Variants in RREB1 observed in about 807,000 individuals in gnomAD.
RREB1 encodes the protein ras responsive element binding protein 1, also known as ras-responsive element-binding protein 1.
A neutral mutation model predicts 117.8 loss-of-function variants in RREB1; 27 were observed. The ratio of observed to expected loss-of-function variants is 0.23; its 90% CI spans 0.17 to 0.32. The LOEUF (loss-of-function observed/expected upper bound fraction) is 0.32, where lower values mean the gene tolerates loss of function less well. Among genes scored for constraint, RREB1 ranks in the 10% least tolerant of loss-of-function variants. The pLI is 1.00. For missense variants in RREB1, 2,577 were observed against 2,378.2 expected (o/e 1.08, Z -1.74); for synonymous variants, 1,298 against 1,026.7 (o/e 1.26, Z -5.05).
Position 7,231,026 on chromosome 6 carries a change from GC to G in RREB1, c.2930del (p.Pro977LeufsTer5). 1 of 1,614,062 alleles carries G rather than the reference GC, an allele frequency of 6.2e-7. No individual in the cohort carries two copies. The highest frequency in any genetic ancestry group is 1.1e-5 in the South Asian group (1 of 91,088). Reference sequence around the variant, plus strand: ...CAGCCCTCTCCCTGCCCAGCACCCGGCCCTTCTCTTCCTGTAACTTTGGGGC... The same window carrying G: ...CAGCCCTCTCCCTGCCCAGCACCCGGCCTTCTCTTCCTGTAACTTTGGGGC... The part of the protein sequence containing the change: ...SEQPSPCPAP[G>X]PSLPVTLGPS... On this transcript the variant is annotated frameshift_variant, in exon 10 of 13. Transcript: ENST00000379938. LOFTEE classifies it high-confidence loss of function.
intron 1 of RREB1, among the ~76,000 whole-genome samples, chr6:7,139,997 G>A (rs1762494301): frequency 6.6e-6 from 1 of 152,222 alleles, no homozygotes; most frequent in African/African-American, 2.4e-5. Flanking sequence ...CTTGCAGTGT[G>A]CTGAATGGTT....
rs757310867 is a variant in RREB1, at chr6:7,231,432, C to A, written c.3333C>A (p.Ala1111=). The change falls in exon 10 of 13, where the codon GCC becomes GCA. Residue 1111 remains alanine, a synonymous_variant. Coordinates refer to ENST00000379938, the MANE Select transcript of RREB1 (RefSeq NM_001003699.4). ...SDSLGGSVPK[A]ATTATPAATT... ...GCTTAGGAGGTTCTGTCCCCAAAGC[C>A]GCCACCACCGCCACCCCCGCTGCCA... 2.5e-6 allele frequency: 4 copies of A among 1,612,620 alleles called. No individual in the cohort carries two copies. The highest frequency in any genetic ancestry group is 3.4e-6 in the Non-Finnish European group (4 of 1,179,646).
chr6:7,196,128 C>T (rs1483652334), intron 6 of RREB1, among the ~76,000 whole-genome samples: 3 of 151,936 alleles, frequency 2.0e-5, no homozygotes, highest in African/African-American at 7.2e-5. Context: ...TGTGCACACT[C>T]TTCCAGATGA....
At chr6:7,224,058 A>T (rs906859129) in intron 8 of RREB1, among the ~76,000 whole-genome samples, 2 of 152,174 alleles carry the variant, frequency 1.3e-5, no homozygotes, top group Admixed American at 1.3e-4. Context: ...GTTGCTGTCA[A>T]ATTTAGGCTA....
intron 1 of RREB1, among the ~76,000 whole-genome samples, chr6:7,164,500 A>G (rs1192501852): frequency 6.6e-6 from 1 of 152,254 alleles, no homozygotes; most frequent in East Asian, 1.9e-4. Context: ...TGGGATGCCA[A>G]GAAAATGGAA....
rs144788619 is a variant in RREB1, at chr6:7,230,370, G to C, written c.2271G>C (p.Leu757=). 6.8e-5 allele frequency: 108 copies of C among 1,592,352 alleles called. No individual in the cohort carries two copies. In the African/African-American group the frequency reaches 1.3e-3, roughly 20 times the overall value. Residue 757 remains leucine, a synonymous_variant, in exon 10 of 13, where the codon CTG becomes CTC. Transcript: ENST00000379938. ...GCGCCCCGGACACCGTGTGCCGGCTGTGCGGCGAGGACCTCAAGCACTATC... is the reference window on the plus strand; with the variant it reads ...GCGCCCCGGACACCGTGTGCCGGCTCTGCGGCGAGGACCTCAAGCACTATC... The part of the protein sequence containing the change: ...AFCAPDTVCR[L]CGEDLKHYRA...
intron 1 of RREB1, among the ~76,000 whole-genome samples, chr6:7,159,411 G>A (rs1041950987): frequency 6.6e-6 from 1 of 152,144 alleles, no homozygotes; most frequent in African/African-American, 2.4e-5. Context: ...CTGGAATAAC[G>A]GGACAGCCGC....
intron 1 of RREB1, among the ~76,000 whole-genome samples, chr6:7,141,290 C>G (rs1035480854): frequency 1.3e-5 from 2 of 152,210 alleles, no homozygotes. Flanking sequence ...TGAGTAGAGC[C>G]GCGTCTTCCA....
intron 2 of RREB1, among the ~76,000 whole-genome samples, chr6:7,179,275 T>C (rs898645861): frequency 3.9e-5 from 6 of 152,266 alleles, no homozygotes; most frequent in African/African-American, 1.4e-4. Flanking sequence ...ACACACACAT[T>C]TTGTTGTTTG....
chr6:7,141,013 C>T (rs1270651199), intron 1 of RREB1, among the ~76,000 whole-genome samples: 3 of 152,222 alleles, frequency 2.0e-5, no homozygotes, highest in African/African-American at 7.2e-5. Flanking sequence ...GAGTTGTGTT[C>T]GCACAGCTGA....
chr6:7,232,887 G>A (rs1427966092), intron 10 of RREB1, among the ~76,000 whole-genome samples: 2 of 150,878 alleles, frequency 1.3e-5, no homozygotes, highest in Non-Finnish European at 2.9e-5. Context: ...CCCCACACCT[G>A]GCCCCAAAAG....
chr6:7,208,412 G>A (rs1376313502), intron 6 of RREB1, among the ~76,000 whole-genome samples: 2 of 152,202 alleles, frequency 1.3e-5, no homozygotes, highest in East Asian at 3.8e-4. Context: ...CTCCAACCCT[G>A]CAGTTCACCC....
At chr6:7,241,437 T>G (rs1466326727) in intron 11 of RREB1, among the ~76,000 whole-genome samples, 1 of 152,150 alleles carries the variant, frequency 6.6e-6, no homozygotes, top group Non-Finnish European at 1.5e-5. Context: ...GACAGCATCA[T>G]GGTGCTGGGT....
At chr6:7,115,015 C>A (rs1371038836) in intron 1 of RREB1, among the ~76,000 whole-genome samples, 1 of 149,042 alleles carries the variant, frequency 6.7e-6, no homozygotes, top group Non-Finnish European at 1.5e-5. Flanking sequence ...AGTGTTTGAA[C>A]TAGCCCTTAC....
intron 11 of RREB1, among the ~76,000 whole-genome samples, chr6:7,242,794 T>C (rs1768796513): frequency 6.6e-6 from 1 of 152,062 alleles, no homozygotes; most frequent in South Asian, 2.1e-4. Flanking sequence ...CTACACATGT[T>C]TTATAATGTA....
chr6:7,171,473 A>G (rs971845897), intron 1 of RREB1, among the ~76,000 whole-genome samples: 9 of 152,312 alleles, frequency 5.9e-5, no homozygotes, highest in Non-Finnish European at 1.2e-4. Flanking sequence ...GGAGTCGCAC[A>G]CTTTTCCAAA....
chr6:7,151,599 G>C (rs1763125792), intron 1 of RREB1, among the ~76,000 whole-genome samples: 1 of 152,192 alleles, frequency 6.6e-6, no homozygotes, highest in Non-Finnish European at 1.5e-5. Context: ...CATGACACTT[G>C]AATGGGCTGA....
At chr6:7,140,824 C>G (rs1762533109) in intron 1 of RREB1, 1 of 152,322 alleles carries the variant, frequency 6.6e-6, no homozygotes, top group Non-Finnish European at 1.5e-5. Context: ...CTTGCACGCG[C>G]CAGGCTTCGT....
At chr6:7,131,420 A>T (rs897236515) in intron 1 of RREB1, among the ~76,000 whole-genome samples, 5 of 152,204 alleles carry the variant, frequency 3.3e-5, no homozygotes, top group African/African-American at 1.2e-4. Context: ...TACAGGAGGC[A>T]TTATACCTCT....
Sources: gnomAD v4.1 joint callset for allele counts (sites outside exome capture counted in the v4.1 genomes callset) on GRCh38, gnomAD v4.1.1 for gene constraint, MANE v1.5 for transcripts, NCBI Gene and HGNC (gene_info 2026-07-23, HGNC 2026-07-21) for gene names.